Variants in TEX11 observed in about 807,000 individuals in gnomAD.
TEX11 encodes testis expressed 11.
A neutral mutation model predicts 84.4 loss-of-function variants in TEX11; 7 were observed. The ratio of observed to expected loss-of-function variants is 0.08; its 90% CI spans 0.05 to 0.16. The LOEUF is 0.16. Ranked by LOEUF, TEX11 falls within the 10% of genes least tolerant of loss-of-function variation. The pLI is 1.00. For missense variants in TEX11, 551 were observed against 660.5 expected, an observed-to-expected ratio of 0.83 and a Z score of 1.82; for synonymous variants, 264 against 222.8, an observed-to-expected ratio of 1.18 and a Z score of -1.64.
chrX:70,782,527 T>C (rs2147786840), intron 9 of TEX11, among the ~76,000 whole-genome samples: 1 of 107,516 alleles, frequency 9.3e-6, no homozygotes, highest in South Asian at 4.2e-4. Context: ...GACTGGCAAA[T>C]TGGATAAAGA....
At chrX:70,642,017 G>A (rs748918906) in intron 17 of TEX11, among the ~76,000 whole-genome samples, 39 of 109,559 alleles carry the variant, frequency 3.6e-4, no homozygotes, top group African/African-American at 1.0e-3. Context: ...TTGATAGACC[G>A]CTAGCAAGAC....
intron 7 of TEX11, among the ~76,000 whole-genome samples, chrX:70,840,081 C>A (rs2091432913): frequency 9.0e-6 from 1 of 111,497 alleles, no homozygotes; most frequent in Non-Finnish European, 1.9e-5. Context: ...GAGAAATTCC[C>A]CAATCTACCA....
intron 9 of TEX11, among the ~76,000 whole-genome samples, chrX:70,770,395 T>C (rs1012531213): frequency 9.0e-6 from 1 of 111,567 alleles, no homozygotes; most frequent in Non-Finnish European, 1.9e-5. Flanking sequence ...AGGGTAAATA[T>C]AATAGTTCTT....
intron 2 of TEX11, among the ~76,000 whole-genome samples, chrX:70,901,683 G>A (rs771667823): frequency 8.9e-6 from 1 of 111,784 alleles, no homozygotes; most frequent in African/African-American, 3.2e-5. Flanking sequence ...TGCTGGCCCA[G>A]GGCTCATCTC....
At chrX:70,732,519 A>G (rs1214359104) in intron 11 of TEX11, among the ~76,000 whole-genome samples, 1 of 111,870 alleles carries the variant, frequency 8.9e-6, no homozygotes, top group Non-Finnish European at 1.9e-5. Flanking sequence ...AGTCAAACAG[A>G]GAGCCAAATC....
At chrX:70,723,639 T>C (rs1456134113) in intron 12 of TEX11, among the ~76,000 whole-genome samples, 1 of 112,076 alleles carries the variant, frequency 8.9e-6, no homozygotes, top group Non-Finnish European at 1.9e-5. Context: ...TAGCAGTGGA[T>C]AAAACATAAC....
intron 8 of TEX11, among the ~76,000 whole-genome samples, chrX:70,832,064 G>C (rs1281288954): frequency 9.0e-6 from 1 of 111,468 alleles, no homozygotes; most frequent in Non-Finnish European, 1.9e-5. Flanking sequence ...ATCAAAGCTA[G>C]CACCACCAAT....
chrX:70,894,164 T>C (rs1602217933), intron 2 of TEX11, among the ~76,000 whole-genome samples: 1 of 110,992 alleles, frequency 9.0e-6, no homozygotes, highest in East Asian at 2.8e-4. Context: ...GCTGGTACCA[T>C]TCCTTCCGAA....
At chrX:70,714,644 G>A (rs2090478521) in intron 13 of TEX11, among the ~76,000 whole-genome samples, 1 of 111,333 alleles carries the variant, frequency 9.0e-6, no homozygotes, top group African/African-American at 3.3e-5. Flanking sequence ...CCATTTGCTT[G>A]GTAGATCTTC....
intron 23 of TEX11, 52 bp downstream of exon 23, chrX:70,606,907 G>C (rs1477457127): frequency 1.1e-5 from 9 of 849,594 alleles, no homozygotes; most frequent in African/African-American, 2.1e-5. Flanking sequence ...AGCCATAGTG[G>C]TTATAGCCTT....
At chrX:70,781,171 A>G in intron 9 of TEX11, among the ~76,000 whole-genome samples, 2 of 112,082 alleles carry the variant, frequency 1.8e-5, no homozygotes, top group Middle Eastern at 9.3e-3. Context: ...CCAGGCAAAC[A>G]GGGTCTGGAG....
At chrX:70,648,873 C>T (rs1447806702) in intron 17 of TEX11, among the ~76,000 whole-genome samples, 1 of 110,280 alleles carries the variant, frequency 9.1e-6, no homozygotes, top group Non-Finnish European at 1.9e-5. Flanking sequence ...CCCTCCCCTC[C>T]CCGCCCCCAA....
At chrX:70,625,881 G>A (rs1238755976) in intron 18 of TEX11, among the ~76,000 whole-genome samples, 42 of 106,768 alleles carry the variant, frequency 3.9e-4, no homozygotes, top group African/African-American at 1.4e-3. Flanking sequence ...CTGAGTAGCT[G>A]GGATTACAGG....
At chrX:70,605,994 C>T (rs2089191315) in intron 23 of TEX11, among the ~76,000 whole-genome samples, 1 of 112,100 alleles carries the variant, frequency 8.9e-6, no homozygotes, top group East Asian at 2.8e-4. Flanking sequence ...AGGAAAAACT[C>T]CCAGCTACTA....
chrX:70,817,563 A>C (rs745474085), intron 8 of TEX11, among the ~76,000 whole-genome samples: 1 of 110,710 alleles, frequency 9.0e-6, no homozygotes, highest in Non-Finnish European at 1.9e-5. Flanking sequence ...ACACGCCTGT[A>C]ATGGCAGCTA....
At chrX:70,718,398 A>C (rs1174823526) in intron 13 of TEX11, among the ~76,000 whole-genome samples, 2 of 112,343 alleles carry the variant, frequency 1.8e-5, no homozygotes, top group Admixed American at 1.9e-4. Context: ...TCAGCACAGA[A>C]AAGTAAGCCG....
intron 17 of TEX11, among the ~76,000 whole-genome samples, chrX:70,649,669 G>T (rs1197148386): frequency 8.9e-6 from 1 of 111,784 alleles, no homozygotes; most frequent in Non-Finnish European, 1.9e-5. Context: ...AGCTATTCAG[G>T]AGGCTGAGGC....
At chrX:70,722,771 C>T in intron 12 of TEX11, 75 bp from the exon 13 acceptor site, 2 of 828,205 alleles carry the variant, frequency 2.4e-6, no homozygotes, top group Non-Finnish European at 3.5e-6. Context: ...TAATTTTCCT[C>T]TATTCAAAAT....
chrX:70,778,642 TG>T (rs2091016642), intron 9 of TEX11, among the ~76,000 whole-genome samples: 1 of 108,423 alleles, frequency 9.2e-6, no homozygotes, highest in African/African-American at 3.5e-5. Context: ...TTTGTTTGTT[TG>T]TTTTTGTTTT....
Sources: gnomAD v4.1 joint callset for allele counts (sites outside exome capture counted in the v4.1 genomes callset) on GRCh38, gnomAD v4.1.1 for gene constraint, MANE v1.5 for transcripts, NCBI Gene and HGNC (gene_info 2026-07-23, HGNC 2026-07-21) for gene names.